PKN2: variants seen among roughly 807,000 people sequenced by gnomAD.
PKN2 encodes serine/threonine-protein kinase N2.
PKN2 carries 38 observed loss-of-function variants against 119.1 expected under a neutral mutation model. The ratio of observed to expected loss-of-function variants is 0.32; its 90% CI spans 0.25 to 0.42. The LOEUF (loss-of-function observed/expected upper bound fraction) is 0.42, where lower values mean the gene tolerates loss of function less well. PKN2 is among the 10% of genes least tolerant of loss of function. The pLI is 1.00. For synonymous variants in PKN2, 390 were observed against 384.9 expected (o/e 1.01, Z -0.15); for missense variants, 850 against 1,165.1 (o/e 0.73, Z 3.94).
Position 88,735,557 on chromosome 1 carries a change from C to A in PKN2, c.49-5431C>A, listed in dbSNP as rs79351738. On this transcript the variant is annotated intron_variant, in intron 1 of 21. Coordinates refer to ENST00000370521, the MANE Select transcript of PKN2 (RefSeq NM_006256.4). Reference sequence around the variant, plus strand: ...CAAAGTCTTTATCTCTGCTTTATTTCTAAAGGATAGCTGTGCTGGGTACAG... The same window carrying A: ...CAAAGTCTTTATCTCTGCTTTATTTATAAAGGATAGCTGTGCTGGGTACAG... Among the ~76,000 whole-genome samples the A allele has an allele frequency of 1.0e-4, 15 of 144,122 alleles. No homozygotes were observed. In the East Asian group the frequency reaches 3.0e-3, roughly 29 times the overall value. The allele number at this position is 144,122 out of a possible 152,430, so 94.5% of individuals were successfully genotyped here. A position where few individuals can be genotyped will look rare whatever the true frequency, so the allele number is the denominator to read the frequency against.
intron 2 of PKN2, among the ~76,000 whole-genome samples, chr1:88,756,270 A>G (rs1669197997): frequency 6.6e-6 from 1 of 152,138 alleles, no homozygotes; most frequent in South Asian, 2.1e-4. Context: ...ACAAATTGTA[A>G]TCTTTTTGTA....
intron 1 of PKN2, among the ~76,000 whole-genome samples, chr1:88,716,357 T>G (rs912697038): frequency 6.6e-6 from 1 of 152,222 alleles, no homozygotes; most frequent in African/African-American, 2.4e-5. Flanking sequence ...TTGTTAACTT[T>G]CTGTCTCGTT....
chr1:88,717,802 G>T (rs576370943), intron 1 of PKN2, among the ~76,000 whole-genome samples: 10 of 152,122 alleles, frequency 6.6e-5, no homozygotes, highest in Admixed American at 5.2e-4. Flanking sequence ...CTGTCAACTC[G>T]TCAAAGTCAT....
intron 2 of PKN2, among the ~76,000 whole-genome samples, chr1:88,749,613 G>T (rs1024059384): frequency 6.6e-6 from 1 of 152,178 alleles, no homozygotes; most frequent in Non-Finnish European, 1.5e-5. Flanking sequence ...TACAACCTGA[G>T]TAGGTTCCAG....
chr1:88,815,579 A>G (rs950293065), intron 16 of PKN2: 1 of 165,214 alleles, frequency 6.1e-6, no homozygotes, highest in Non-Finnish European at 1.3e-5. Context: ...TACCTGGAAC[A>G]TATTAGGCAA....
chr1:88,823,967 C>CCATTGCACT (rs1672397197), intron 17 of PKN2, among the ~76,000 whole-genome samples: 1 of 139,954 alleles, frequency 7.1e-6, no homozygotes, highest in Admixed American at 7.5e-5. Context: ...TGAGACCACG[C>CCATTGCACT]CATTGCACTC....
chr1:88,811,301 A>G (rs1296359947), intron 15 of PKN2, among the ~76,000 whole-genome samples: 1 of 152,202 alleles, frequency 6.6e-6, no homozygotes, highest in Non-Finnish European at 1.5e-5. Flanking sequence ...TGTAGGATTC[A>G]ATTCTAAGAC....
chr1:88,732,867 G>A (rs969182386), intron 1 of PKN2, among the ~76,000 whole-genome samples: 5 of 152,124 alleles, frequency 3.3e-5, no homozygotes, highest in South Asian at 2.1e-4. Flanking sequence ...TTCAGACAAC[G>A]TGAATGTACC....
chr1:88,717,995 T>TTGTTGA (rs1667524911), intron 1 of PKN2, among the ~76,000 whole-genome samples: 1 of 152,158 alleles, frequency 6.6e-6, no homozygotes, highest in South Asian at 2.1e-4. Flanking sequence ...GATGTCCTTT[T>TTGTTGA]TGTTGATGTT....
At chr1:88,783,883 A>C (rs1227852683) in intron 6 of PKN2, among the ~76,000 whole-genome samples, 1 of 152,236 alleles carries the variant, frequency 6.6e-6, no homozygotes. Context: ...ATGTCATTTT[A>C]CATCAAATAG....
chr1:88,724,881 G>GTTTTTT (rs1557567528), intron 1 of PKN2, among the ~76,000 whole-genome samples: 1 of 123,136 alleles, frequency 8.1e-6, no homozygotes, highest in African/African-American at 3.7e-5. Flanking sequence ...CCCACCCCTT[G>GTTTTTT]GTTTTTTTTT....
chr1:88,767,366 A>T (rs919273611), intron 3 of PKN2, among the ~76,000 whole-genome samples: 14 of 152,230 alleles, frequency 9.2e-5, no homozygotes, highest in Non-Finnish European at 1.5e-4. Context: ...CCATTAAATT[A>T]TGAGCTTTGG....
intron 8 of PKN2, among the ~76,000 whole-genome samples, chr1:88,797,621 A>G (rs1245452802): frequency 6.6e-6 from 1 of 150,866 alleles, no homozygotes; most frequent in Non-Finnish European, 1.5e-5. Context: ...CAGCCTGGCG[A>G]CAGAGACTCC....
rs1030864176 is a variant in PKN2, at chr1:88,784,811, C to T, written c.1158C>T (p.Thr386=). ...GAAGTAGTCGAAATCTTCTAAAAACCGATGACTTGTCCAGTTCAGTAACCA... is the reference window on the plus strand; with the variant it reads ...GAAGTAGTCGAAATCTTCTAAAAACTGATGACTTGTCCAGTTCAGTAACCA... ...KSGSSRNLLK[T]DDLSNDVCAV... is the part of the protein sequence containing the mutation. Residue 386 remains threonine, a synonymous_variant, in exon 7 of 22, where the codon ACC becomes ACT. Transcript: ENST00000370521. The T allele has an allele frequency of 8.7e-6, 14 of 1,606,454 alleles. No individual in the cohort carries two copies. The highest frequency in any genetic ancestry group is 4.4e-5 in the South Asian group (4 of 90,236).
At chr1:88,771,637 C>T (rs868415581) in intron 5 of PKN2, 26 bp from the exon 6 acceptor site, 2 of 1,599,726 alleles carry the variant, frequency 1.3e-6, no homozygotes, top group Non-Finnish European at 1.7e-6. Flanking sequence ...ATTTAAATGA[C>T]AACAATTGTC....
rs1226160546 is a variant in PKN2 at position 88,741,398 on chromosome 1, TAGAG to T, written c.349+114_349+117del. On this transcript the variant is annotated intron_variant, in intron 2 of 21. Coordinates refer to ENST00000370521, the MANE Select transcript of PKN2 (RefSeq NM_006256.4). The stretch of plus-strand genomic sequence containing the variant: ...GAATAGTTTTTAGCTTTTCTGAAAG[TAGAG>T]AGACTTTTTCTCTTTTGGTTAAGGT... The T allele has an allele frequency of 4.7e-5, 31 of 659,706 alleles. 1 individual carries two copies. Among genetic ancestry groups the T allele is most frequent in the Admixed American group, 1.9e-4 (5 of 26,446 alleles). 40.9% of individuals were successfully genotyped at this position (659,706 alleles called of 1,614,324 possible). A position where few individuals can be genotyped will look rare whatever the true frequency, so the allele number is the denominator to read the frequency against.
chr1:88,722,588 A>G (rs1019332745), intron 1 of PKN2, among the ~76,000 whole-genome samples: 6 of 152,058 alleles, frequency 3.9e-5, no homozygotes, highest in Non-Finnish European at 5.9e-5. Context: ...AGCCTGGGCA[A>G]CGTAGCACAG....
At position 88,813,621 on chromosome 1, in the gene PKN2, C is replaced by T. The variant is rs1557630068; in HGVS notation, c.2167C>T (p.Leu723Phe). 6.2e-7 allele frequency: 1 copy of T among 1,608,674 alleles called. No individual in the cohort carries two copies. Residue 723 changes from leucine to phenylalanine, a missense_variant, in exon 16 of 22, where the codon CTT becomes TTT. Coordinates refer to ENST00000370521, the MANE Select transcript of PKN2 (RefSeq NM_006256.4). ...NSVRHPFLVN[L>F]FACFQTKEHV... The stretch of plus-strand genomic sequence containing the variant: ...TGTAAGGCATCCCTTTTTGGTGAAC[C>T]TTTTTGCATGTTTCCAAACCAAAGA...
At chr1:88,713,629 A>AT (rs1037994032) in intron 1 of PKN2, among the ~76,000 whole-genome samples, 2 of 151,422 alleles carry the variant, frequency 1.3e-5, no homozygotes, top group East Asian at 1.9e-4. Flanking sequence ...GGGTTGTTTG[A>AT]TTTTTTTCTT....
Sources: gnomAD v4.1 joint callset for allele counts (sites outside exome capture counted in the v4.1 genomes callset) on GRCh38, gnomAD v4.1.1 for gene constraint, MANE v1.5 for transcripts, NCBI Gene and HGNC (gene_info 2026-07-23, HGNC 2026-07-21) for gene names.